KMT5A: variants seen among roughly 807,000 people sequenced by gnomAD.
KMT5A encodes N-lysine methyltransferase KMT5A.
A neutral mutation model predicts 40.6 loss-of-function variants in KMT5A; 6 were observed. The ratio of observed to expected loss-of-function variants is 0.15; its 90% CI spans 0.08 to 0.29. KMT5A has a LOEUF of 0.29. Among genes scored for constraint, KMT5A ranks in the 10% least tolerant of loss-of-function variants. KMT5A has a pLI of 1.00. For missense variants in KMT5A, 308 were observed against 459.1 expected (o/e 0.67, Z 3.01); for synonymous variants, 153 against 178.8 (o/e 0.86, Z 1.15).
At chr12:123,395,291 C>T (rs886341032) in intron 4 of KMT5A, 25 bp downstream of exon 4, 1 of 1,603,294 alleles carries the variant, frequency 6.2e-7, no homozygotes, top group African/African-American at 1.3e-5. Context: ...CAGTCCTCTT[C>T]CTAACGTGGA....
chr12:123,389,502 C>A lies in KMT5A; in HGVS notation c.80C>A (p.Pro27Gln). 1 of 1,127,332 alleles carries A rather than the reference C, an allele frequency of 8.9e-7. No homozygotes were observed. The highest frequency in any genetic ancestry group is 1.1e-6 in the Non-Finnish European group (1 of 926,226). The allele number at this position is 1,127,332 out of a possible 1,614,324, so 69.8% of individuals were successfully genotyped here. The change falls in exon 2 of 8, where the codon CCG (proline) becomes CAG (glutamine). Residue 27 changes from proline to glutamine, a missense_variant. By Grantham distance (76) the Pro-to-Gln change is moderately conservative. Around this residue, in one of 4 missense-constraint regions of KMT5A, gnomAD observed 92 missense variants for 78.3 expected, o/e 1.18. Transcript: ENST00000402868. ...GCGGCGGCGGTGGCAGCGACGGCCC[C>A]GGGCCCGGAGATGGTGGAGCGGAGG... Reference protein sequence around the residue: ...AAAAAVAATAPGPEMVERRGP... With the variant: ...AAAAAVAATAQGPEMVERRGP...
chr12:123,384,265 G>C lies in KMT5A; in HGVS notation c.10+57G>C. The C allele has an allele frequency of 6.2e-7, 1 of 1,604,426 alleles. No homozygotes were observed. The highest frequency in any genetic ancestry group is 1.3e-5 in the African/African-American group (1 of 74,896). On this transcript the variant is annotated intron_variant, in intron 1 of 7. Coordinates refer to ENST00000402868, the MANE Select transcript of KMT5A (RefSeq NM_020382.7). The surrounding 1 kb of genome is among the most constrained non-coding windows in gnomAD (Gnocchi z 5.7). The stretch of plus-strand genomic sequence containing the variant: ...CTGGGTCGGGGGTCGTGCTGGAGGG[G>C]TTGCCGGGGTGGAGGCAGCGGCTGC...
intron 4 of KMT5A, among the ~76,000 whole-genome samples, chr12:123,395,663 C>T (rs1877667303): frequency 6.6e-6 from 1 of 150,932 alleles, no homozygotes; most frequent in Non-Finnish European, 1.5e-5. Context: ...CTCCTGGGTT[C>T]AAGCGATTCC....
intron 5 of KMT5A, among the ~76,000 whole-genome samples, chr12:123,399,345 G>A (rs1293162203): frequency 6.6e-6 from 1 of 152,220 alleles, no homozygotes; most frequent in Non-Finnish European, 1.5e-5. Flanking sequence ...AAAACCCAGG[G>A]CTGGTTGTTT....
Position 123,395,176 on chromosome 12 carries a change from C to T in KMT5A, c.419C>T (p.Thr140Ile). The T allele has an allele frequency of 6.2e-7, 1 of 1,613,116 alleles. No individual in the cohort carries two copies. Among genetic ancestry groups the T allele is most frequent in the Non-Finnish European group, 8.5e-7 (1 of 1,179,612 alleles). The change falls in exon 4 of 8, where the codon ACT becomes ATT. Residue 140 changes from threonine (T) to isoleucine (I), a missense_variant. Physicochemically the swap from Thr to Ile is moderately conservative, Grantham distance 89. Transcript: ENST00000402868. Reference protein sequence around the residue: ...QKSEAAEPPKTPPSSCDSTNA... With the variant: ...QKSEAAEPPKIPPSSCDSTNA... ...TCTGAAGCAGCAGAACCTCCAAAAA[C>T]TCCACCCTCATCTTGTGATTCCACC...
At chr12:123,392,754 G>C (rs1057150777) in intron 3 of KMT5A, among the ~76,000 whole-genome samples, 1 of 152,184 alleles carries the variant, frequency 6.6e-6, no homozygotes. Context: ...GATACAGACT[G>C]AGTGATAGAT....
chr12:123,397,524 TA>T (rs927668984), intron 5 of KMT5A, among the ~76,000 whole-genome samples: 1 of 152,156 alleles, frequency 6.6e-6, no homozygotes, highest in Non-Finnish European at 1.5e-5. Context: ...AAGCTTCATT[TA>T]AAAAAAATTT....
chr12:123,403,718 G>A (rs968213419), intron 6 of KMT5A, 86 bp downstream of exon 6: 6 of 1,509,334 alleles, frequency 4.0e-6, no homozygotes, highest in African/African-American at 1.4e-5. Flanking sequence ...TGGCCACCAT[G>A]TGGCTTTCAC....
At chr12:123,403,085 T>C (rs565169121) in intron 5 of KMT5A, among the ~76,000 whole-genome samples, 2 of 152,342 alleles carry the variant, frequency 1.3e-5, no homozygotes, top group African/African-American at 4.8e-5. Context: ...TTTGTATCTT[T>C]AATAGAGACA....
At chr12:123,403,731 T>C (rs1484911075) in intron 6 of KMT5A, 99 bp downstream of exon 6, 5 of 1,339,106 alleles carry the variant, frequency 3.7e-6, no homozygotes, top group Non-Finnish European at 5.3e-6. Context: ...GCTTTCACCC[T>C]CTAATGGCCA....
At chr12:123,394,756 T>C (rs1877564227) in intron 3 of KMT5A, among the ~76,000 whole-genome samples, 1 of 152,212 alleles carries the variant, frequency 6.6e-6, no homozygotes, top group South Asian at 2.1e-4. Flanking sequence ...TCAAGCACCC[T>C]GCCAGCGTCT....
At position 123,390,859 on chromosome 12, in the gene KMT5A, G is replaced by T. The variant is rs1048241331; in HGVS notation, c.289+73G>T. On this transcript the variant is annotated intron_variant, in intron 3 of 7. Transcript: ENST00000402868. ...AGAAGCCTCTGTCCTCTGCAAGAAT[G>T]CACATATGTATTTATCCAACCTTTT... is the stretch of plus-strand genomic sequence containing the variant. 11 of 1,523,174 alleles carry T rather than the reference G, an allele frequency of 7.2e-6. No individual in the cohort carries two copies. In the African/African-American group the frequency reaches 1.5e-4, roughly 21 times the overall value. 94.4% of individuals were successfully genotyped at this position (1,523,174 alleles called of 1,614,324 possible).
intron 1 of KMT5A, among the ~76,000 whole-genome samples, chr12:123,386,281 T>C (rs1428830998): frequency 6.6e-6 from 1 of 151,300 alleles, no homozygotes; most frequent in Non-Finnish European, 1.5e-5. Context: ...AGTGGAGTGA[T>C]TTCAGCCCGC....
chr12:123,403,637 G>C lies in KMT5A; in HGVS notation c.657+5G>C, dbSNP rs749364496. On this transcript the variant is annotated splice_donor_5th_base_variant and intron_variant, in intron 6 of 7. Coordinates refer to ENST00000402868, the MANE Select transcript of KMT5A (RefSeq NM_020382.7). ...GGGAAGGAAGAAGGAATGAAGGTAA[G>C]GGGCTGCTGTGCTTGCTGCATCATA... 6.2e-7 allele frequency: 1 copy of C among 1,614,230 alleles called. No homozygotes were observed. Among genetic ancestry groups the C allele is most frequent in the South Asian group, 1.1e-5 (1 of 91,086 alleles).
intron 2 of KMT5A, chr12:123,390,160 C>T (rs1471465777): frequency 8.6e-6 from 4 of 465,148 alleles, no homozygotes; most frequent in Non-Finnish European, 1.8e-5. Context: ...GGTCAGGCTC[C>T]GGCGCTCATG....
Position 123,389,498 on chromosome 12 carries a change from G to T in KMT5A, c.76G>T (p.Ala26Ser). 1 of 1,127,606 alleles carries T rather than the reference G, an allele frequency of 8.9e-7. No homozygotes were observed. The highest frequency in any genetic ancestry group is 1.1e-6 in the Non-Finnish European group (1 of 926,346). The allele number at this position is 1,127,606 out of a possible 1,614,324, so 69.9% of individuals were successfully genotyped here. A position where few individuals can be genotyped will look rare whatever the true frequency, so the allele number is the denominator to read the frequency against. The change falls in exon 2 of 8, where the codon GCC becomes TCC. Residue 26 changes from alanine to serine, a missense_variant. Coordinates refer to ENST00000402868, the MANE Select transcript of KMT5A (RefSeq NM_020382.7). ...GGCGGCGGCGGCGGTGGCAGCGACG[G>T]CCCCGGGCCCGGAGATGGTGGAGCG... is the stretch of plus-strand genomic sequence containing the variant. Reference protein sequence around the residue: ...AAAAAAVAATAPGPEMVERRG... With the variant: ...AAAAAAVAATSPGPEMVERRG...
At chr12:123,402,447 A>C (rs1878252476) in intron 5 of KMT5A, among the ~76,000 whole-genome samples, 1 of 152,130 alleles carries the variant, frequency 6.6e-6, no homozygotes, top group African/African-American at 2.4e-5. Flanking sequence ...GAAAAGCTGC[A>C]AGCTGGTTTG....
At chr12:123,393,948 A>T (rs568161506) in intron 3 of KMT5A, among the ~76,000 whole-genome samples, 6 of 152,102 alleles carry the variant, frequency 3.9e-5, no homozygotes, top group African/African-American at 1.4e-4. Context: ...TTGGGGACAT[A>T]TGTTTTTAAT....
At chr12:123,392,901 C>G (rs1199319340) in intron 3 of KMT5A, among the ~76,000 whole-genome samples, 1 of 152,068 alleles carries the variant, frequency 6.6e-6, no homozygotes, top group Non-Finnish European at 1.5e-5. Context: ...TTTTGAGACA[C>G]AGTCTCGCTC....
Sources: gnomAD v4.1 joint callset for allele counts (sites outside exome capture counted in the v4.1 genomes callset) on GRCh38, gnomAD v4.1.1 for gene constraint, gnomAD v4.1.1 regional missense constraint, Gnocchi (gnomAD v3.1) non-coding constraint, MANE v1.5 for transcripts, NCBI Gene and HGNC (gene_info 2026-07-23, HGNC 2026-07-21) for gene names.